DNAJC13: variants seen among roughly 807,000 people sequenced by gnomAD.
DNAJC13 encodes dnaJ homolog subfamily C member 13.
Under a neutral mutation model 290.5 loss-of-function variants are expected in DNAJC13, and 75 were observed. The observed-to-expected ratio is 0.26, with a 90% CI of 0.21 to 0.31. The LOEUF is 0.31. Ranked by LOEUF, DNAJC13 falls within the 10% of genes least tolerant of loss-of-function variation. The pLI is 1.00. For synonymous variants in DNAJC13, 862 were observed against 892.0 expected (o/e 0.97, Z 0.60); for missense variants, 2,260 against 2,674.5 (o/e 0.85, Z 3.42).
chr3:132,522,050 T>C (rs1238581735), intron 48 of DNAJC13, among the ~76,000 whole-genome samples: 3 of 152,204 alleles, frequency 2.0e-5, no homozygotes, highest in Admixed American at 2.0e-4. Context: ...TTTCGTGTGC[T>C]GACTTCATAT....
rs573788623 is a variant in DNAJC13 at position 132,446,475 on chromosome 3, G to A, written c.69G>A (p.Lys23=). ...FYTTKHSWRG[K]YKRVFSVGTH... ...TTTAAGCACTTGTTTTCCTTTGTAG[G>A]TATAAGCGTGTCTTTTCAGTTGGAA... is the stretch of plus-strand genomic sequence containing the variant. Residue 23 remains lysine (K), a splice_region_variant and synonymous_variant, in exon 3 of 56, where the codon AAG becomes AAA. Coordinates refer to ENST00000260818, the MANE Select transcript of DNAJC13 (RefSeq NM_015268.4). 6.2e-7 allele frequency: 1 copy of A among 1,602,390 alleles called. No homozygotes were observed. Among genetic ancestry groups the A allele is most frequent in the South Asian group, 1.1e-5 (1 of 88,738 alleles).
intron 31 of DNAJC13, 24 bp downstream of exon 31, chr3:132,489,045 T>C: frequency 2.5e-6 from 4 of 1,600,436 alleles, no homozygotes; most frequent in Non-Finnish European, 3.4e-6. Context: ...ATCCTCTGAA[T>C]ACTTAACCCT....
At chr3:132,423,254 G>C (rs1169066380) in intron 1 of DNAJC13, among the ~76,000 whole-genome samples, 2 of 152,180 alleles carry the variant, frequency 1.3e-5, no homozygotes, top group African/African-American at 4.8e-5. Context: ...GTTTCAGTCT[G>C]GGTGACAAAG....
chr3:132,526,338 T>G, intron 53 of DNAJC13, 57 bp downstream of exon 53: 1 of 1,601,352 alleles, frequency 6.2e-7, no homozygotes, highest in Non-Finnish European at 8.5e-7. Flanking sequence ...CCAAGTAGAT[T>G]TTTACCTATT....
At chr3:132,489,809 A>G (rs1935007586) in intron 31 of DNAJC13, among the ~76,000 whole-genome samples, 1 of 152,188 alleles carries the variant, frequency 6.6e-6, no homozygotes, top group Non-Finnish European at 1.5e-5. Context: ...CATAATTTCC[A>G]CAGCTTTTTA....
chr3:132,464,653 C>T (rs1933916649), intron 17 of DNAJC13, among the ~76,000 whole-genome samples: 1 of 152,062 alleles, frequency 6.6e-6, no homozygotes, highest in African/African-American at 2.4e-5. Flanking sequence ...CTACCTCCCT[C>T]ACTTGTGTTA....
intron 1 of DNAJC13, among the ~76,000 whole-genome samples, chr3:132,422,884 T>C (rs1158298482): frequency 6.6e-6 from 1 of 152,206 alleles, no homozygotes; most frequent in Non-Finnish European, 1.5e-5. Flanking sequence ...GCACTCAAGT[T>C]GCCCTTAGAA....
At chr3:132,501,726 T>C (rs1330236859) in intron 39 of DNAJC13, among the ~76,000 whole-genome samples, 3 of 152,154 alleles carry the variant, frequency 2.0e-5, no homozygotes, top group African/African-American at 7.2e-5. Flanking sequence ...ATGAGATAGA[T>C]GACTGGGAGG....
chr3:132,427,229 A>C (rs1009183279), intron 1 of DNAJC13, among the ~76,000 whole-genome samples: 1 of 149,998 alleles, frequency 6.7e-6, no homozygotes, highest in African/African-American at 2.5e-5. Context: ...TCAGCCTCCC[A>C]GGCTCAAGTG....
intron 2 of DNAJC13, among the ~76,000 whole-genome samples, chr3:132,435,900 A>G (rs1007701278): frequency 2.6e-5 from 4 of 152,200 alleles, no homozygotes; most frequent in East Asian, 1.9e-4. Flanking sequence ...GTGATCATCA[A>G]AATTTTTGGT....
In DNAJC13 at chr3:132,452,809, T is replaced by C. The variant is rs111426845; in HGVS notation, c.538-489T>C. 6.0e-3 allele frequency among the ~76,000 whole-genome samples: 911 copies of C among 152,344 alleles called. 8 individuals are homozygous for C. Among genetic ancestry groups the C allele is most frequent in the East Asian group, 0.029 (152 of 5,182 alleles). Reference sequence around the variant, plus strand: ...ATCCTGTAGCCTGTTCCCTTACCTTTGTAAATAGAGCCCAGAAAGTTGGTT... The same window carrying C: ...ATCCTGTAGCCTGTTCCCTTACCTTCGTAAATAGAGCCCAGAAAGTTGGTT... On this transcript the variant is annotated intron_variant, in intron 6 of 55. Transcript: ENST00000260818.
chr3:132,423,000 C>T (rs1193659350), intron 1 of DNAJC13, among the ~76,000 whole-genome samples: 1 of 152,152 alleles, frequency 6.6e-6, no homozygotes, highest in Non-Finnish European at 1.5e-5. Context: ...AACAAAACCC[C>T]TAAAGCAATC....
chr3:132,460,458 C>A, intron 14 of DNAJC13, 101 bp downstream of exon 14: 1 of 752,724 alleles, frequency 1.3e-6, no homozygotes, highest in Non-Finnish European at 2.2e-6. Context: ...TTTATTGTAG[C>A]CCCCAGCTTT....
At chr3:132,485,047 G>A (rs1033071447) in intron 29 of DNAJC13, among the ~76,000 whole-genome samples, 10 of 152,260 alleles carry the variant, frequency 6.6e-5, no homozygotes, top group Admixed American at 3.3e-4. Flanking sequence ...TCATGCCACC[G>A]CACTCCAGCC....
intron 20 of DNAJC13, among the ~76,000 whole-genome samples, chr3:132,469,781 T>C (rs1934122873): frequency 6.6e-6 from 1 of 151,856 alleles, no homozygotes; most frequent in Non-Finnish European, 1.5e-5. Flanking sequence ...TAATATCTTT[T>C]AAAATTTATT....
intron 13 of DNAJC13, chr3:132,458,365 T>G (rs1238883016): frequency 6.6e-6 from 1 of 152,214 alleles, no homozygotes; most frequent in Non-Finnish European, 1.5e-5. Flanking sequence ...CAAATTAATT[T>G]TATTTACTGT....
rs201115847 is a variant in DNAJC13 at position 132,447,956 on chromosome 3, T to C, written c.336+17T>C. ...ACAGGAAGGGTAAATATTTAACATTTATTATGTATTTTTATTTGTTCAAAT... is the reference window on the plus strand; with the variant it reads ...ACAGGAAGGGTAAATATTTAACATTCATTATGTATTTTTATTTGTTCAAAT... On this transcript the variant is annotated intron_variant, in intron 5 of 55. Coordinates refer to ENST00000260818, the MANE Select transcript of DNAJC13 (RefSeq NM_015268.4). 1 of 1,457,170 alleles carries C rather than the reference T, an allele frequency of 6.9e-7. No individual in the cohort carries two copies. The highest frequency in any genetic ancestry group is 1.2e-5 in the South Asian group (1 of 85,660). 90.3% of individuals were successfully genotyped at this position (1,457,170 alleles called of 1,614,324 possible).
intron 33 of DNAJC13, among the ~76,000 whole-genome samples, chr3:132,492,913 C>T (rs1448175060): frequency 1.3e-5 from 2 of 151,654 alleles, no homozygotes; most frequent in Non-Finnish European, 2.9e-5. Context: ...TACTATAATA[C>T]CTTGGTGGAA....
intron 11 of DNAJC13, 24 bp downstream of exon 11, chr3:132,456,604 G>A (rs1933606440): frequency 6.2e-7 from 1 of 1,613,130 alleles, no homozygotes; most frequent in Non-Finnish European, 8.5e-7. Context: ...TATCATAATT[G>A]TTCATTGTTA....
Sources: gnomAD v4.1 joint callset for allele counts (sites outside exome capture counted in the v4.1 genomes callset) on GRCh38, gnomAD v4.1.1 for gene constraint, MANE v1.5 for transcripts, NCBI Gene and HGNC (gene_info 2026-07-23, HGNC 2026-07-21) for gene names.